Variants in WDFY1 observed in about 807,000 individuals in gnomAD.
WDFY1 encodes WD repeat and FYVE domain-containing protein 1.
A neutral mutation model predicts 56.4 loss-of-function variants in WDFY1; 32 were observed. That is an observed-to-expected ratio of 0.57 (90% CI 0.43 to 0.76). The LOEUF is 0.76. WDFY1 is among the 30% of genes least tolerant of loss of function. The pLI, the probability that WDFY1 is intolerant of heterozygous loss-of-function variation, is 0.00. For synonymous variants in WDFY1, 192 were observed against 197.3 expected (o/e 0.97, Z 0.23); for missense variants, 480 against 545.7 (o/e 0.88, Z 1.20).
At position 223,945,174 on chromosome 2, in the gene WDFY1, G is replaced by C. The variant is rs368876763; in HGVS notation, c.111C>G (p.Asp37Glu). The part of the protein sequence containing the change: ...VTAALLIPKE[D>E]GVITASEDRT... ...TGTCCTCGCTGGCCGTGATCACGCC[G>C]TCCTCCTTGGGGATGAGCAGCGCGG... Residue 37 changes from aspartate (D) to glutamate (E), a missense_variant, in exon 1 of 12, where the codon GAC (aspartate) becomes GAG (glutamate). Transcript: ENST00000233055. 3.4e-5 allele frequency: 55 copies of C among 1,597,320 alleles called. No individual in the cohort carries two copies. Among genetic ancestry groups the C allele is most frequent in the Non-Finnish European group, 4.7e-5 (55 of 1,175,310 alleles).
chr2:223,913,041 A>C (rs1023405366), intron 2 of WDFY1, among the ~76,000 whole-genome samples: 9 of 152,142 alleles, frequency 5.9e-5, no homozygotes, highest in African/African-American at 2.2e-4. Flanking sequence ...CTAGGGAAAA[A>C]CAAAACAAAA....
At chr2:223,924,677 T>C (rs1387268202) in intron 1 of WDFY1, among the ~76,000 whole-genome samples, 1 of 152,212 alleles carries the variant, frequency 6.6e-6, no homozygotes, top group Non-Finnish European at 1.5e-5. Flanking sequence ...TGACTTTATT[T>C]GTTTATCATT....
At chr2:223,929,143 G>C (rs971607155) in intron 1 of WDFY1, among the ~76,000 whole-genome samples, 7 of 151,396 alleles carry the variant, frequency 4.6e-5, no homozygotes, top group Non-Finnish European at 8.8e-5. Context: ...CTCTCCATCA[G>C]CATGTGTCCC....
At chr2:223,883,989 T>G (rs1406946082) in intron 9 of WDFY1, among the ~76,000 whole-genome samples, 1 of 151,392 alleles carries the variant, frequency 6.6e-6, no homozygotes, top group Non-Finnish European at 1.5e-5. Context: ...TAATCGCTCA[T>G]AGAGATGCAA....
chr2:223,897,520 C>T (rs975406326), intron 6 of WDFY1, among the ~76,000 whole-genome samples: 1 of 151,596 alleles, frequency 6.6e-6, no homozygotes, highest in Non-Finnish European at 1.5e-5. Context: ...GCTGGGACTA[C>T]AGGCACCTGC....
At chr2:223,931,514 T>TA (rs1196234733) in intron 1 of WDFY1, among the ~76,000 whole-genome samples, 1 of 152,120 alleles carries the variant, frequency 6.6e-6, no homozygotes, top group Non-Finnish European at 1.5e-5. Flanking sequence ...AAGAGCCAAT[T>TA]AAAAATAAGG....
intron 1 of WDFY1, among the ~76,000 whole-genome samples, chr2:223,943,398 T>C (rs1689347929): frequency 6.6e-6 from 1 of 152,028 alleles, no homozygotes; most frequent in South Asian, 2.1e-4. Flanking sequence ...ATTATCTAAT[T>C]GAGGAAAAAG....
At position 223,877,218 on chromosome 2, in the gene WDFY1, T is replaced by C. The variant is rs1692986873; in HGVS notation, c.*1453A>G. On this transcript the variant is annotated 3_prime_UTR_variant, in exon 12 of 12. Transcript: ENST00000233055. The stretch of plus-strand genomic sequence containing the variant: ...CCTTTCAGTCCCTCTAAGACATCAT[T>C]ATAAAACAAATTTAGTCCTTTAGTT... The C allele has an allele frequency of 6.6e-6, 1 of 152,182 alleles. No homozygotes were observed. The highest frequency in any genetic ancestry group is 1.5e-5 in the Non-Finnish European group (1 of 68,036). The allele number at this position is 152,182 out of a possible 1,614,324, so 9.4% of individuals were successfully genotyped here. A position where few individuals can be genotyped will look rare whatever the true frequency, so the allele number is the denominator to read the frequency against.
rs368104342 is a variant in WDFY1 at position 223,880,230 on chromosome 2, C to T, written c.1067G>A (p.Arg356Gln). The T allele has an allele frequency of 9.9e-6, 16 of 1,613,646 alleles. No individual in the cohort carries two copies. Among genetic ancestry groups the T allele is most frequent in the East Asian group, 4.5e-5 (2 of 44,862 alleles). ...SCYDSIKDED[R>Q]TSLATFHEGK... Reference sequence around the variant, plus strand: ...TTCATGAAAGGTCGCTAGAGAAGTCCGACTAACAAGAGAAAAGAGATCACT... The same window carrying T: ...TTCATGAAAGGTCGCTAGAGAAGTCTGACTAACAAGAGAAAAGAGATCACT... The change falls in exon 11 of 12, where the codon CGG (arginine) becomes CAG (glutamine). Residue 356 changes from arginine to glutamine, a missense_variant and splice_region_variant. Transcript: ENST00000233055.
chr2:223,940,763 C>T (rs886914225), intron 1 of WDFY1, among the ~76,000 whole-genome samples: 3 of 152,136 alleles, frequency 2.0e-5, no homozygotes, highest in Non-Finnish European at 4.4e-5. Flanking sequence ...CTGTCTCAGC[C>T]TCCCAAGTAG....
At chr2:223,880,546 G>A (rs1693049374) in intron 10 of WDFY1, among the ~76,000 whole-genome samples, 1 of 150,578 alleles carries the variant, frequency 6.6e-6, no homozygotes, top group African/African-American at 2.5e-5. Context: ...GGTGGGGGCT[G>A]CAGTGAGCCG....
At chr2:223,936,971 C>T (rs141831140) in intron 1 of WDFY1, among the ~76,000 whole-genome samples, 2 of 152,216 alleles carry the variant, frequency 1.3e-5, no homozygotes, top group Non-Finnish European at 2.9e-5. Flanking sequence ...GATTTCACCC[C>T]ATGTGCTGAT....
At chr2:223,883,723 G>A (rs965782844) in intron 9 of WDFY1, among the ~76,000 whole-genome samples, 4 of 152,118 alleles carry the variant, frequency 2.6e-5, no homozygotes, top group Admixed American at 6.6e-5. Flanking sequence ...TTGGCTCACC[G>A]CAACCTCCGC....
At position 223,911,368 on chromosome 2, in the gene WDFY1, A is replaced by C. The variant is rs139664484; in HGVS notation, c.279+885T>G. Reference sequence around the variant, plus strand: ...TATGAATATGCTACAAGACCACACAATTATATACTTTAAAATGGTAAATAT... The same window carrying C: ...TATGAATATGCTACAAGACCACACACTTATATACTTTAAAATGGTAAATAT... On this transcript the variant is annotated intron_variant, in intron 3 of 11. Transcript: ENST00000233055. Among the ~76,000 whole-genome samples the C allele has an allele frequency of 4.4e-3, 669 of 152,196 alleles. 2 individuals carry two copies. The highest frequency in any genetic ancestry group is 0.015 in the African/African-American group (623 of 41,504).
chr2:223,923,815 T>C (rs1693931515), intron 1 of WDFY1, among the ~76,000 whole-genome samples: 1 of 152,182 alleles, frequency 6.6e-6, no homozygotes, highest in Admixed American at 6.5e-5. Context: ...CAAGATCAGA[T>C]GGTATTATTT....
chr2:223,937,652 A>G (rs1184871818), intron 1 of WDFY1, among the ~76,000 whole-genome samples: 1 of 152,216 alleles, frequency 6.6e-6, no homozygotes, highest in African/African-American at 2.4e-5. Flanking sequence ...CTGGCTCCCA[A>G]GCCTTTGTTC....
At chr2:223,935,841 G>A (rs1424446360) in intron 1 of WDFY1, among the ~76,000 whole-genome samples, 5 of 152,154 alleles carry the variant, frequency 3.3e-5, no homozygotes, top group Non-Finnish European at 7.4e-5. Flanking sequence ...GGTGGAACTT[G>A]AAGTGGATCT....
intron 6 of WDFY1, 127 bp downstream of exon 6, chr2:223,898,831 T>C: frequency 1.4e-6 from 1 of 708,972 alleles, no homozygotes; most frequent in Non-Finnish European, 2.5e-6. Context: ...AAATCCCATA[T>C]CTGGCCAATC....
At chr2:223,907,991 T>TG (rs1385012009) in intron 3 of WDFY1, among the ~76,000 whole-genome samples, 8 of 152,042 alleles carry the variant, frequency 5.3e-5, no homozygotes, top group African/African-American at 1.9e-4. Flanking sequence ...TCTTGAGTAG[T>TG]GGGGCTATAT....
Sources: allele counts gnomAD v4.1 joint callset (sites outside exome capture counted in the v4.1 genomes callset), GRCh38; gene constraint gnomAD v4.1.1; transcripts MANE v1.5; gene names NCBI Gene and HGNC (gene_info 2026-07-23, HGNC 2026-07-21).